The following MYO1A variants were observed in gnomAD, a reference collection of about 807,000 sequenced individuals.
The protein encoded by MYO1A is unconventional myosin-Ia.
Under a neutral mutation model 138.5 loss-of-function variants are expected in MYO1A, and 127 were observed. The ratio of observed to expected loss-of-function variants is 0.92; its 90% CI spans 0.79 to 1.06. MYO1A has a LOEUF of 1.06. Among genes scored for constraint, MYO1A ranks in the 50% least tolerant of loss-of-function variants. The pLI, the probability that MYO1A is intolerant of heterozygous loss-of-function variation, is 0.00. For missense variants in MYO1A, 1,211 were observed against 1,288.8 expected, an observed-to-expected ratio of 0.94 and a Z score of 0.92; for synonymous variants, 477 against 497.5, an observed-to-expected ratio of 0.96 and a Z score of 0.55.
chr12:57,039,479 G>A (rs1488178151), intron 14 of MYO1A: 11 of 602,748 alleles, frequency 1.8e-5, no homozygotes, highest in Non-Finnish European at 3.3e-5. Context: ...ACACACGGAA[G>A]GAATTGGAGC....
At chr12:57,030,625 A>G (rs1166901828) in intron 23 of MYO1A, among the ~76,000 whole-genome samples, 1 of 152,198 alleles carries the variant, frequency 6.6e-6, no homozygotes, top group Non-Finnish European at 1.5e-5. Flanking sequence ...AAAAGAACAA[A>G]TTACTTTATG....
At chr12:57,034,118 G>A in intron 22 of MYO1A, among the ~76,000 whole-genome samples, 1 of 152,140 alleles carries the variant, frequency 6.6e-6, no homozygotes, top group Admixed American at 6.5e-5. Flanking sequence ...CTGCCCCCAG[G>A]TCTGCCTAGG....
At position 57,037,547 on chromosome 12, in the gene MYO1A, C is replaced by A. The variant is rs138284300; in HGVS notation, c.2055+1G>T. On this transcript the variant is annotated splice_donor_variant, in intron 19 of 27. Transcript: ENST00000300119. LOFTEE classifies it high-confidence loss of function. ...AAATGCTAATGCACTCTCTAACTCA[C>A]AGTCTTGGGGCTTCTAATGAAGATC... The A allele has an allele frequency of 7.7e-4, 1,249 of 1,613,914 alleles. 3 individuals are homozygous for A. The highest frequency in any genetic ancestry group is 9.5e-4 in the Non-Finnish European group (1,122 of 1,179,808).
At chr12:57,035,621 A>C (rs2030501052) in intron 22 of MYO1A, among the ~76,000 whole-genome samples, 1 of 152,160 alleles carries the variant, frequency 6.6e-6, no homozygotes, top group South Asian at 2.1e-4. Flanking sequence ...CCAAGGTTTC[A>C]TTGGAAGTGC....
chr12:57,043,526 G>A (rs954879912), intron 10 of MYO1A, among the ~76,000 whole-genome samples, 168 bp from the exon 11 acceptor site: 1 of 152,148 alleles, frequency 6.6e-6, no homozygotes, highest in African/African-American at 2.4e-5. Context: ...CAGGGAGTTG[G>A]GGGACAGAAG....
rs1412095064 is a variant in MYO1A, at chr12:57,030,279, A to G, written c.2522T>C (p.Val841Ala). 2 of 1,613,788 alleles carry G rather than the reference A, an allele frequency of 1.2e-6. No individual in the cohort carries two copies. The highest frequency in any genetic ancestry group is 1.3e-5 in the African/African-American group (1 of 74,880). The change falls in exon 24 of 28, where the codon GTA (valine) becomes GCA (alanine). Residue 841 changes from valine to alanine, a missense_variant. Physicochemically the swap from Val to Ala is moderately conservative, Grantham distance 64 (BLOSUM62 0). Transcript: ENST00000300119. ...ACAGAGCTTTTCCCTCAGGATCTCT[A>G]CCTGCTTCGGGGACAGCTGATCCCG... ...RFRDQLSPKQVEILREKLCAS... is the reference protein window; with the variant it reads ...RFRDQLSPKQAEILREKLCAS...
In MYO1A at chr12:57,041,246, T is replaced by C. The variant is rs1390622698; in HGVS notation, c.1207A>G (p.Lys403Glu). 1.2e-6 allele frequency: 2 copies of C among 1,613,984 alleles called. No individual in the cohort carries two copies. Among genetic ancestry groups the C allele is most frequent in the Admixed American group, 1.7e-5 (1 of 60,010 alleles). Reference protein sequence around the residue: ...EQFVINYCNEKLQQVFIEMTL... With the variant: ...EQFVINYCNEELQQVFIEMTL... ...ATCTCTATGAACACCTGCTGCAGCTTCTCATTGCAGTAGTTGATCACAAAT... is the reference window on the plus strand; with the variant it reads ...ATCTCTATGAACACCTGCTGCAGCTCCTCATTGCAGTAGTTGATCACAAAT... The change falls in exon 14 of 28, where the codon AAG becomes GAG. Residue 403 changes from lysine to glutamate, a missense_variant. Physicochemically the swap from Lys to Glu is moderately conservative, Grantham distance 56. Transcript: ENST00000300119.
intron 22 of MYO1A, among the ~76,000 whole-genome samples, chr12:57,032,683 AAAG>A (rs1386385678): frequency 1.3e-5 from 2 of 152,156 alleles, no homozygotes; most frequent in Admixed American, 6.6e-5. Context: ...ACTGTCTAAA[AAAG>A]AAGAAAAAAA....
At chr12:57,041,403 A>T (rs757221702) in intron 13 of MYO1A, 29 bp downstream of exon 13, 16 of 1,604,430 alleles carry the variant, frequency 1.0e-5, no homozygotes, top group Non-Finnish European at 1.3e-5. Flanking sequence ...ATCCTAGGGG[A>T]GCAGGGTGCT....
chr12:57,043,509 G>T, intron 10 of MYO1A, 151 bp from the exon 11 acceptor site: 1 of 789,846 alleles, frequency 1.3e-6, no homozygotes, highest in Non-Finnish European at 2.2e-6. Context: ...TGGCCCTGGA[G>T]GAATCTCAGG....
chr12:57,031,209 A>T (rs762990910), intron 22 of MYO1A, 35 bp from the exon 23 acceptor site: 3 of 1,613,546 alleles, frequency 1.9e-6, no homozygotes, highest in African/African-American at 2.7e-5. Flanking sequence ...GAGTGGAGTG[A>T]TAAGAAACAC....
intron 16 of MYO1A, 36 bp from the exon 17 acceptor site, chr12:57,038,674 A>G (rs749653638): frequency 6.2e-7 from 1 of 1,611,940 alleles, no homozygotes; most frequent in African/African-American, 1.3e-5. Flanking sequence ...GAGACCCCAC[A>G]ACCTTGTCCC....
At position 57,037,060 on chromosome 12, in the gene MYO1A, C is replaced by T; in HGVS notation, c.2087G>A (p.Arg696Lys). ...LFYLEEQRRL[R>K]LQQLATLIQK... ...TATGAGTGTGGCCAGCTGCTGGAGT[C>T]TCAGGCGCCTCTGTTCTTCGAGGTA... Residue 696 changes from arginine (R) to lysine (K), a missense_variant, in exon 20 of 28, where the codon AGA (arginine) becomes AAA (lysine). By Grantham distance (26) the Arg-to-Lys change is conservative. Transcript: ENST00000300119. 1 of 1,614,168 alleles carries T rather than the reference C, an allele frequency of 6.2e-7. No homozygotes were observed. The highest frequency in any genetic ancestry group is 1.1e-5 in the South Asian group (1 of 91,084).
chr12:57,029,646 G>T, intron 25 of MYO1A, 59 bp from the exon 26 acceptor site: 1 of 1,614,012 alleles, frequency 6.2e-7, no homozygotes, highest in South Asian at 1.1e-5. Flanking sequence ...CACTCCACCT[G>T]GCAGGGCGCA....
Position 57,038,988 on chromosome 12 carries a change from T to C in MYO1A, c.1354A>G (p.Met452Val). The stretch of plus-strand genomic sequence containing the variant: ...GGCCGCAGGCACTCCTCATCCAACA[T>C]GGCCAGGATACCTCGCTGATTCTGG... ...IEHNQRGILAMLDEECLRPGV... is the reference protein window; with the variant it reads ...IEHNQRGILAVLDEECLRPGV... Residue 452 changes from methionine to valine, a missense_variant, in exon 16 of 28, where the codon ATG becomes GTG. Met to Val is a conservative substitution (Grantham distance 21). Coordinates refer to ENST00000300119, the MANE Select transcript of MYO1A (RefSeq NM_005379.4). The C allele has an allele frequency of 1.9e-6, 3 of 1,614,010 alleles. No individual in the cohort carries two copies. The highest frequency in any genetic ancestry group is 1.7e-6 in the Non-Finnish European group (2 of 1,179,980).
chr12:57,029,865 T>C lies in MYO1A; in HGVS notation c.2599A>G (p.Ile867Val), dbSNP rs1222375202. The change falls in exon 25 of 28, where the codon ATT becomes GTT. Residue 867 changes from isoleucine (I) to valine (V), a missense_variant. Physicochemically the swap from Ile to Val is conservative, Grantham distance 29. Transcript: ENST00000300119. ...CCAATGTAGTCACCACAGAATGGAA[T>C]GGGGACACTGAGAACACATGGGAGG... ...KKASYPQSVPIPFCGDYIGLQ... is the reference protein window; with the variant it reads ...KKASYPQSVPVPFCGDYIGLQ... 23 of 1,614,024 alleles carry C rather than the reference T, an allele frequency of 1.4e-5. No homozygotes were observed. The highest frequency in any genetic ancestry group is 1.9e-5 in the Non-Finnish European group (23 of 1,180,040).
Position 57,037,535 on chromosome 12 carries a change from C to G in MYO1A, c.2055+13G>C. 6.2e-7 allele frequency: 1 copy of G among 1,612,750 alleles called. No homozygotes were observed. The highest frequency in any genetic ancestry group is 8.5e-7 in the Non-Finnish European group (1 of 1,178,768). On this transcript the variant is annotated intron_variant, in intron 19 of 27. Coordinates refer to ENST00000300119, the MANE Select transcript of MYO1A (RefSeq NM_005379.4). The stretch of plus-strand genomic sequence containing the variant: ...TCTACCCTCACCAAATGCTAATGCA[C>G]TCTCTAACTCACAGTCTTGGGGCTT...
chr12:57,044,160 A>C lies in MYO1A; in HGVS notation c.690T>G (p.His230Gln), dbSNP rs751342265. The change falls in exon 9 of 28, where the codon CAT (histidine) becomes CAG (glutamine). Residue 230 changes from histidine to glutamine, a missense_variant. Coordinates refer to ENST00000300119, the MANE Select transcript of MYO1A (RefSeq NM_005379.4). ...CCATGCCATCCACTCTGGATACTTCATGATTCAGATAGGCATAGCCAGTTG... is the reference window on the plus strand; with the variant it reads ...CCATGCCATCCACTCTGGATACTTCCTGATTCAGATAGGCATAGCCAGTTG... ...RDTTGYAYLN[H>Q]EVSRVDGMDD... The C allele has an allele frequency of 6.2e-7, 1 of 1,614,172 alleles. No individual in the cohort carries two copies. Among genetic ancestry groups the C allele is most frequent in the East Asian group, 2.2e-5 (1 of 44,890 alleles).
In MYO1A at chr12:57,037,918, A is replaced by C; in HGVS notation, c.1912T>G (p.Tyr638Asp). The C allele has an allele frequency of 1.2e-6, 2 of 1,614,010 alleles. No individual in the cohort carries two copies. Among genetic ancestry groups the C allele is most frequent in the African/African-American group, 2.7e-5 (2 of 74,970 alleles). Residue 638 changes from tyrosine to aspartate, a missense_variant, in exon 18 of 28, where the codon TAC (tyrosine) becomes GAC (aspartate). Tyr to Asp is a radical substitution (Grantham distance 160). Coordinates refer to ENST00000300119, the MANE Select transcript of MYO1A (RefSeq NM_005379.4). ...RQGYGPFLERYRLLSRSTWPH... is the reference protein window; with the variant it reads ...RQGYGPFLERDRLLSRSTWPH... Reference sequence around the variant, plus strand: ...CAGGTGCTCCGGCTCAGCAATCGGTACCTTTCCAGGAAGGGCCCATAACCC... The same window carrying C: ...CAGGTGCTCCGGCTCAGCAATCGGTCCCTTTCCAGGAAGGGCCCATAACCC...
Sources: allele counts gnomAD v4.1 joint callset (sites outside exome capture counted in the v4.1 genomes callset), GRCh38; gene constraint gnomAD v4.1.1; transcripts MANE v1.5; gene names NCBI Gene and HGNC (gene_info 2026-07-23, HGNC 2026-07-21).